ASTN1: variants seen among roughly 807,000 people sequenced by gnomAD.
ASTN1 encodes the protein astrotactin 1, also known as astrotactin-1.
ASTN1 carries 41 observed loss-of-function variants against 140.7 expected under a neutral mutation model. That is an observed-to-expected ratio of 0.29 (90% CI 0.23 to 0.38). The LOEUF is 0.38. Ranked by LOEUF, ASTN1 falls within the 10% of genes least tolerant of loss-of-function variation. The probability of loss-of-function intolerance (pLI) is 1.00; values close to 1 mark genes in which losing one functional copy is unlikely to be tolerated. For synonymous variants in ASTN1, 640 were observed against 652.2 expected (o/e 0.98, Z 0.29); for missense variants, 1,479 against 1,678.8 (o/e 0.88, Z 2.08).
chr1:177,138,601 T>C (rs978636188), intron 1 of ASTN1, among the ~76,000 whole-genome samples: 1 of 152,202 alleles, frequency 6.6e-6, no homozygotes, highest in African/African-American at 2.4e-5. Context: ...AATAGCTGTG[T>C]CCTGAGGTGG....
rs59219578 is a variant in ASTN1 at position 177,149,746 on chromosome 1, C to T, written c.283+14648G>A. The stretch of plus-strand genomic sequence containing the variant: ...AGTAAATATATATACACTGTATATA[C>T]ATAGTAAATATATATACACTGTATA... On this transcript the variant is annotated intron_variant, in intron 1 of 22. Transcript: ENST00000361833. Among the ~76,000 whole-genome samples, 8 of 63,440 alleles carry T rather than the reference C, an allele frequency of 1.3e-4. 1 individual carries two copies. The African/African-American group carries it at 1.3e-3, about 10-fold the overall frequency. 41.6% of individuals were successfully genotyped at this position (63,440 alleles called of 152,430 possible).
chr1:176,910,873 G>A (rs1277777006), intron 16 of ASTN1, among the ~76,000 whole-genome samples: 1 of 152,186 alleles, frequency 6.6e-6, no homozygotes, highest in African/African-American at 2.4e-5. Context: ...ACTCTATTGT[G>A]AACTGCACAT....
chr1:177,084,630 C>T (rs940049794), intron 1 of ASTN1, among the ~76,000 whole-genome samples: 1 of 152,054 alleles, frequency 6.6e-6, no homozygotes, highest in African/African-American at 2.4e-5. Context: ...TACCTGTGCC[C>T]TTGACCCCCT....
At chr1:176,934,094 A>G (rs1671328083) in intron 16 of ASTN1, 58 bp downstream of exon 16, 2 of 1,501,548 alleles carry the variant, frequency 1.3e-6, no homozygotes, top group South Asian at 2.6e-5. Flanking sequence ...TATAGATTGT[A>G]TGCAGGTAGC....
rs114122168 is a variant in ASTN1, at chr1:176,991,009, T to C, written c.1523+23782A>G. Among the ~76,000 whole-genome samples, 1,012 of 152,302 alleles carry C rather than the reference T, an allele frequency of 6.6e-3. 16 individuals are homozygous for C. The highest frequency in any genetic ancestry group is 0.023 in the African/African-American group (963 of 41,566). ...TGTTTGTTCTTTTCATCTCTCCCTG[T>C]AAGCCAATCCCTTTGCCCTCATAAT... On this transcript the variant is annotated intron_variant, in intron 8 of 22. Coordinates refer to ENST00000361833, the MANE Select transcript of ASTN1 (RefSeq NM_004319.3).
At chr1:176,953,534 T>C (rs191935928) in intron 11 of ASTN1, among the ~76,000 whole-genome samples, 4 of 152,302 alleles carry the variant, frequency 2.6e-5, no homozygotes, top group Non-Finnish European at 4.4e-5. Flanking sequence ...TGGAGTCAAA[T>C]TTATATTTCA....
chr1:177,097,051 T>A (rs2102119803), intron 1 of ASTN1, among the ~76,000 whole-genome samples: 1 of 152,090 alleles, frequency 6.6e-6, no homozygotes, highest in East Asian at 1.9e-4. Context: ...CTTTTTTTTT[T>A]AATAAGCTAC....
At chr1:176,912,400 T>A (rs753488125) in intron 16 of ASTN1, among the ~76,000 whole-genome samples, 20 of 152,350 alleles carry the variant, frequency 1.3e-4, no homozygotes, top group Non-Finnish European at 2.4e-4. Context: ...GCACATAATA[T>A]TGTTTTTCTT....
chr1:177,012,094 T>A (rs914501034), intron 8 of ASTN1, among the ~76,000 whole-genome samples: 2 of 152,184 alleles, frequency 1.3e-5, no homozygotes, highest in Non-Finnish European at 2.9e-5. Context: ...GAGAATTAAA[T>A]AAAATATTCA....
At chr1:177,077,758 G>A (rs552274591) in intron 1 of ASTN1, among the ~76,000 whole-genome samples, 1 of 152,140 alleles carries the variant, frequency 6.6e-6, no homozygotes, top group Non-Finnish European at 1.5e-5. Flanking sequence ...CCTCTCTGGG[G>A]TAAGCTGCCT....
At chr1:176,871,064 G>T (rs139875943) in intron 21 of ASTN1, among the ~76,000 whole-genome samples, 1,960 of 152,268 alleles carry the variant, frequency 0.013, 40 homozygotes, top group African/African-American at 0.045. Context: ...GGGAATAGAT[G>T]ATGTATAATC....
At chr1:177,007,331 G>A (rs1458702820) in intron 8 of ASTN1, among the ~76,000 whole-genome samples, 1 of 152,136 alleles carries the variant, frequency 6.6e-6, no homozygotes, top group East Asian at 1.9e-4. Context: ...GGTGAAGGTT[G>A]CGTGAGCCAA....
At chr1:176,865,850 C>T (rs1557920140) in intron 22 of ASTN1, among the ~76,000 whole-genome samples, 2 of 152,208 alleles carry the variant, frequency 1.3e-5, no homozygotes, top group East Asian at 3.9e-4. Context: ...GTACATCTCA[C>T]ATGGCAGCAG....
intron 1 of ASTN1, among the ~76,000 whole-genome samples, chr1:177,082,274 G>A (rs1290981232): frequency 6.6e-6 from 1 of 152,110 alleles, no homozygotes; most frequent in Non-Finnish European, 1.5e-5. Flanking sequence ...TGATAGCAGG[G>A]ACAACACTAT....
At chr1:177,087,337 T>C (rs895586041) in intron 1 of ASTN1, among the ~76,000 whole-genome samples, 5 of 152,176 alleles carry the variant, frequency 3.3e-5, no homozygotes, top group African/African-American at 1.2e-4. Context: ...TTGGTTGCAT[T>C]AGAAACTTGC....
intron 17 of ASTN1, among the ~76,000 whole-genome samples, chr1:176,888,653 A>C (rs1192857105): frequency 1.3e-5 from 2 of 152,152 alleles, no homozygotes; most frequent in Non-Finnish European, 2.9e-5. Flanking sequence ...TTCCCTTTGC[A>C]TTCCTTCAGC....
chr1:177,136,222 T>C (rs1265306358), intron 1 of ASTN1, among the ~76,000 whole-genome samples: 2 of 152,182 alleles, frequency 1.3e-5, no homozygotes, highest in Admixed American at 6.5e-5. Context: ...TGTGAACATA[T>C]CCCAGCTGGA....
chr1:176,979,223 C>G lies in ASTN1; in HGVS notation c.1524-13986G>C, dbSNP rs1673499845. ...CATCAAGACTCCTGCATGCTCTAGC[C>G]CTTGCCTACCACACCAACCTTGCCC... On this transcript the variant is annotated intron_variant, in intron 8 of 22. Coordinates refer to ENST00000361833, the MANE Select transcript of ASTN1 (RefSeq NM_004319.3). 1.3e-5 allele frequency among the ~76,000 whole-genome samples: 2 copies of G among 152,120 alleles called. 1 individual carries two copies. The highest frequency in any genetic ancestry group is 2.9e-5 in the Non-Finnish European group (2 of 68,016).
intron 1 of ASTN1, among the ~76,000 whole-genome samples, chr1:177,095,008 T>C (rs942961620): frequency 1.2e-4 from 18 of 152,322 alleles, no homozygotes; most frequent in Admixed American, 6.5e-4. Context: ...ATCCTTGTCA[T>C]AAAGCAACGA....
Sources: gnomAD v4.1 joint callset for allele counts (sites outside exome capture counted in the v4.1 genomes callset) on GRCh38, gnomAD v4.1.1 for gene constraint, MANE v1.5 for transcripts, NCBI Gene and HGNC (gene_info 2026-07-23, HGNC 2026-07-21) for gene names.